The following FLACC1 variants were observed in gnomAD, a reference collection of about 807,000 sequenced individuals.
FLACC1 encodes flagellum-associated coiled-coil domain-containing protein 1.
FLACC1 carries 66 observed loss-of-function variants against 62.8 expected under a neutral mutation model. The ratio of observed to expected loss-of-function variants is 1.05; its 90% CI spans 0.86 to 1.29. The LOEUF is 1.29. Ranked by LOEUF, FLACC1 falls within the 50% of genes most tolerant of loss-of-function variation. The pLI is 0.00. For missense variants in FLACC1, 452 were observed against 489.1 expected, an observed-to-expected ratio of 0.92 and a Z score of 0.71; for synonymous variants, 156 against 161.0, an observed-to-expected ratio of 0.97 and a Z score of 0.24.
At chr2:201,339,553 C>G (rs1016892446) in intron 7 of FLACC1, among the ~76,000 whole-genome samples, 3 of 151,786 alleles carry the variant, frequency 2.0e-5, no homozygotes, top group Non-Finnish European at 4.4e-5. Context: ...ATAAACTTCC[C>G]TCTTAGCACT....
In FLACC1 at chr2:201,288,729, A is replaced by G. The variant is rs755680599; in HGVS notation, c.1195T>C (p.Leu399=). The G allele has an allele frequency of 5.6e-6, 9 of 1,614,070 alleles. No homozygotes were observed. The East Asian group carries it at 6.7e-5, about 12-fold the overall frequency. Residue 399 remains leucine, a synonymous_variant, in exon 15 of 15, where the codon TTG becomes CTG. Coordinates refer to ENST00000392257, the MANE Select transcript of FLACC1 (RefSeq NM_001127391.3). ...TCCTTAGAAACAGTAATAGAGGCCA[A>G]TCTCCCAGAACATCCTTCACAAATT... The part of the protein sequence containing the change: ...EEICEGCSGR[L]ASITVSKDDS...
chr2:201,302,242 CA>C (rs1006953070), intron 11 of FLACC1, among the ~76,000 whole-genome samples: 1 of 151,676 alleles, frequency 6.6e-6, no homozygotes, highest in African/African-American at 2.4e-5. Flanking sequence ...TAAGATCTAA[CA>C]AAAAAATGGA....
chr2:201,297,536 G>A (rs143508906), intron 12 of FLACC1, among the ~76,000 whole-genome samples: 7 of 152,302 alleles, frequency 4.6e-5, no homozygotes, highest in Non-Finnish European at 8.8e-5. Flanking sequence ...ACAGGTGAAT[G>A]TTGCAAGGAG....
intron 9 of FLACC1, among the ~76,000 whole-genome samples, chr2:201,311,158 T>TAA (rs373798913): frequency 1.6e-4 from 21 of 132,124 alleles, no homozygotes; most frequent in South Asian, 2.4e-4. Flanking sequence ...AATCTAACAC[T>TAA]AAAAAAAAAA....
intron 5 of FLACC1, among the ~76,000 whole-genome samples, chr2:201,345,990 T>A (rs933967072): frequency 2.0e-5 from 3 of 152,042 alleles, no homozygotes; most frequent in Non-Finnish European, 2.9e-5. Flanking sequence ...TATGGCAAAA[T>A]CCCATCTCTA....
At chr2:201,341,185 A>G (rs1427078139) in intron 7 of FLACC1, among the ~76,000 whole-genome samples, 2 of 152,124 alleles carry the variant, frequency 1.3e-5, no homozygotes, top group Non-Finnish European at 2.9e-5. Context: ...TCTAACAGAT[A>G]AAGTCTATAG....
At chr2:201,302,520 C>A (rs938722808) in intron 11 of FLACC1, among the ~76,000 whole-genome samples, 17 of 152,010 alleles carry the variant, frequency 1.1e-4, no homozygotes, top group Non-Finnish European at 2.1e-4. Flanking sequence ...TAGACAGTTC[C>A]ACGAGACAGA....
At chr2:201,348,059 A>G (rs1950952766) in intron 4 of FLACC1, 195 bp downstream of exon 4, 1 of 492,058 alleles carries the variant, frequency 2.0e-6, no homozygotes, top group Admixed American at 3.8e-5. Flanking sequence ...CCACTCTGGA[A>G]TCTAGCTGAG....
Position 201,357,177 on chromosome 2 carries a change from C to T in FLACC1, c.-243G>A, listed in dbSNP as rs1023039415. ...TCACAGTATATGTACTGCGGGAAGA[C>T]AGACTTCTAGTGAATCCAATCAAAG... On this transcript the variant is annotated 5_prime_UTR_variant, in exon 1 of 15. Transcript: ENST00000392257. 2.6e-5 allele frequency: 4 copies of T among 152,240 alleles called. No individual in the cohort carries two copies. The highest frequency in any genetic ancestry group is 2.1e-4 in the South Asian group (1 of 4,834). The allele number at this position is 152,240 out of a possible 1,614,324, so 9.4% of individuals were successfully genotyped here.
intron 3 of FLACC1, among the ~76,000 whole-genome samples, chr2:201,348,609 T>C (rs1443370230): frequency 6.6e-6 from 1 of 152,142 alleles, no homozygotes; most frequent in African/African-American, 2.4e-5. Context: ...GTCAAGGCTC[T>C]GTGAGTCAGG....
At chr2:201,361,072 C>T (rs905653347), upstream of FLACC1, among the ~76,000 whole-genome samples, 1 of 152,114 alleles carries the variant, frequency 6.6e-6, no homozygotes, top group Admixed American at 6.5e-5. Context: ...AGCAAGACTC[C>T]ATCTCAGAAG....
chr2:201,349,434 A>G (rs1950981988), intron 3 of FLACC1, among the ~76,000 whole-genome samples: 1 of 151,952 alleles, frequency 6.6e-6, no homozygotes, highest in Admixed American at 6.6e-5. Flanking sequence ...TCTTTTTTCT[A>G]TGTAGCACTT....
At chr2:201,345,281 C>A (rs1416721028) in intron 5 of FLACC1, among the ~76,000 whole-genome samples, 1 of 152,192 alleles carries the variant, frequency 6.6e-6, no homozygotes, top group African/African-American at 2.4e-5. Context: ...ATGCCCCTGG[C>A]CCCTGGGTGG....
At chr2:201,301,623 T>A (rs372255478) in intron 11 of FLACC1, among the ~76,000 whole-genome samples, 54 of 152,146 alleles carry the variant, frequency 3.5e-4, no homozygotes, top group African/African-American at 1.2e-3. Context: ...CCAAGACACA[T>A]AATTGTCAGA....
chr2:201,363,534 T>G, the FLACC1 span, among the ~76,000 whole-genome samples: 1 of 152,044 alleles, frequency 6.6e-6, no homozygotes, highest in Non-Finnish European at 1.5e-5. Flanking sequence ...CAAGGCCCTC[T>G]CTGCTCCATG....
At chr2:201,317,016 T>G (rs1950319566) in intron 9 of FLACC1, among the ~76,000 whole-genome samples, 1 of 152,096 alleles carries the variant, frequency 6.6e-6, no homozygotes, top group African/African-American at 2.4e-5. Flanking sequence ...TGATTAAAAC[T>G]CTCAGCAAAA....
intron 1 of FLACC1, among the ~76,000 whole-genome samples, chr2:201,355,306 A>C (rs1034494891): frequency 2.6e-5 from 4 of 152,276 alleles, no homozygotes; most frequent in South Asian, 2.1e-4. Flanking sequence ...GAATAAAACA[A>C]AAAACAAAAA....
chr2:201,300,129 G>A (rs144330358), intron 11 of FLACC1, among the ~76,000 whole-genome samples: 16 of 152,312 alleles, frequency 1.1e-4, no homozygotes, highest in Middle Eastern at 3.4e-3. Flanking sequence ...GTGGGGCACC[G>A]CCTCACCTGG....
intron 11 of FLACC1, 103 bp downstream of exon 11, chr2:201,307,416 C>A: frequency 1.2e-6 from 1 of 847,338 alleles, no homozygotes; most frequent in South Asian, 1.5e-5. Flanking sequence ...GGATTATGCC[C>A]AGAAAGACAA....
Sources: allele counts gnomAD v4.1 joint callset (sites outside exome capture counted in the v4.1 genomes callset), GRCh38; gene constraint gnomAD v4.1.1; transcripts MANE v1.5; gene names NCBI Gene and HGNC (gene_info 2026-07-23, HGNC 2026-07-21).